Variants in TDRD1 observed in about 807,000 individuals in gnomAD.
The protein encoded by TDRD1 is tudor domain-containing protein 1.
Under a neutral mutation model 140.6 loss-of-function variants are expected in TDRD1, and 37 were observed. The observed-to-expected ratio is 0.26, with a 90% CI of 0.20 to 0.35. The LOEUF is 0.35. Among genes scored for constraint, TDRD1 ranks in the 10% least tolerant of loss-of-function variants. The pLI is 1.00. For synonymous variants in TDRD1, 506 were observed against 475.7 expected (o/e 1.06, Z -0.83); for missense variants, 1,243 against 1,393.0 (o/e 0.89, Z 1.71).
At chr10:114,205,715 A>G (rs1163239252) in intron 10 of TDRD1, among the ~76,000 whole-genome samples, 1 of 152,126 alleles carries the variant, frequency 6.6e-6, no homozygotes, top group East Asian at 1.9e-4. Context: ...AGAGGCCGGG[A>G]AGGGTAGTCA....
intron 1 of TDRD1, among the ~76,000 whole-genome samples, chr10:114,180,717 G>A (rs573780170): frequency 2.6e-5 from 4 of 152,190 alleles, no homozygotes; most frequent in African/African-American, 9.6e-5. Flanking sequence ...CGCCCACCTC[G>A]GCCTCCAAAG....
At chr10:114,211,007 ATTTATTTTTTAC>A (rs1564955537) in intron 13 of TDRD1, 40 bp downstream of exon 13, 1 of 1,484,966 alleles carries the variant, frequency 6.7e-7, no homozygotes, top group Admixed American at 1.9e-5. Context: ...ATTTATTTTT[ATTTATTTTTTAC>A]TTAGAATTGA....
chr10:114,229,816 TA>T (rs35893988), intron 25 of TDRD1, among the ~76,000 whole-genome samples: 12,135 of 139,346 alleles, frequency 0.087, 543 homozygotes, highest in Middle Eastern at 0.14. Flanking sequence ...TATATATATA[TA>T]TTTTTTTTTT....
At chr10:114,224,027 C>T (rs991588858) in intron 21 of TDRD1, among the ~76,000 whole-genome samples, 1 of 152,194 alleles carries the variant, frequency 6.6e-6, no homozygotes, top group Non-Finnish European at 1.5e-5. Context: ...CTTCTTCCTT[C>T]GTCCCACCTT....
chr10:114,187,802 T>C, intron 1 of TDRD1, 24 bp from the exon 2 acceptor site: 6 of 1,513,418 alleles, frequency 4.0e-6, no homozygotes, highest in Non-Finnish European at 5.3e-6. Context: ...AAAAGTTGTC[T>C]CTTAAATACA....
At chr10:114,227,394 C>T in intron 23 of TDRD1, 95 bp downstream of exon 23, 1 of 889,198 alleles carries the variant, frequency 1.1e-6, no homozygotes, top group Non-Finnish European at 1.8e-6. Context: ...CTTCCCATGC[C>T]ATACTCTCTC....
chr10:114,208,169 A>G (rs959590857), intron 11 of TDRD1, among the ~76,000 whole-genome samples: 1 of 152,214 alleles, frequency 6.6e-6, no homozygotes, highest in African/African-American at 2.4e-5. Flanking sequence ...GAAGAGGTAT[A>G]GGATGGGGAA....
At chr10:114,181,940 G>A (rs556425159) in intron 1 of TDRD1, among the ~76,000 whole-genome samples, 1 of 152,066 alleles carries the variant, frequency 6.6e-6, no homozygotes, top group Admixed American at 6.5e-5. Context: ...TCATAGAACT[G>A]TAAATCAAAG....
In TDRD1 at chr10:114,210,458, G is replaced by T. The variant is rs1020849962; in HGVS notation, c.1385-123G>T. The T allele has an allele frequency of 9.6e-6, 9 of 940,532 alleles. No individual in the cohort carries two copies. In the African/African-American group the frequency reaches 1.5e-4, roughly 16 times the overall value. 58.3% of individuals were successfully genotyped at this position (940,532 alleles called of 1,614,324 possible). On this transcript the variant is annotated intron_variant, in intron 11 of 25. Coordinates refer to ENST00000251864, the Ensembl canonical transcript of TDRD1. ...AAGAAACACCATGACCTCTCAGACT[G>T]CCATCTTCCAGGAACCTTGCAGTCA...
At chr10:114,210,738 G>A (rs1264945633) in exon 12 of TDRD1, 4 of 1,609,790 alleles carry the variant, frequency 2.5e-6, no homozygotes, top group Non-Finnish European at 3.4e-6. Flanking sequence ...GTCAACAACT[G>A]CAAAGTGGCC....
upstream of TDRD1, among the ~76,000 whole-genome samples, chr10:114,176,107 T>A (rs2032690077): frequency 6.6e-6 from 1 of 152,042 alleles, no homozygotes; most frequent in South Asian, 2.1e-4. The surrounding 1 kb of genome is among the most constrained non-coding windows in gnomAD (Gnocchi z 4.2). Context: ...GAAAAACTGA[T>A]AGGAAGCTTC....
At chr10:114,194,452 G>A (rs2034196413) in intron 3 of TDRD1, among the ~76,000 whole-genome samples, 1 of 152,014 alleles carries the variant, frequency 6.6e-6, no homozygotes, top group African/African-American at 2.4e-5. Context: ...TGTCTACATT[G>A]TCAAATTTAT....
In TDRD1 at chr10:114,218,532, A is replaced by G. The variant is rs1166364263; in HGVS notation, c.2442A>G (p.Ile814Met). 3.1e-6 allele frequency: 5 copies of G among 1,611,712 alleles called. No individual in the cohort carries two copies. The African/African-American group carries it at 4.0e-5, about 13-fold the overall frequency. The change falls in exon 18 of 26, where the codon ATA becomes ATG. Residue 814 changes from isoleucine (I) to methionine (M), a missense_variant. Physicochemically the swap from Ile to Met is conservative, Grantham distance 10. Transcript: ENST00000251864. ...TTACTGCAGATGAACTCCGAATGATATCATCAACATTTTTAAACCTTCCCT... is the reference window on the plus strand; with the variant it reads ...TTACTGCAGATGAACTCCGAATGATGTCATCAACATTTTTAAACCTTCCCT...
intron 11 of TDRD1, among the ~76,000 whole-genome samples, chr10:114,208,829 A>G (rs1274971449): frequency 1.3e-5 from 2 of 150,648 alleles, no homozygotes; most frequent in Non-Finnish European, 2.9e-5. Flanking sequence ...GCTAGAGTGC[A>G]GTGCTGTGAT....
At chr10:114,216,694 G>C (rs993902615) in intron 16 of TDRD1, among the ~76,000 whole-genome samples, 3 of 152,170 alleles carry the variant, frequency 2.0e-5, no homozygotes, top group African/African-American at 7.2e-5. Context: ...AGGAATATGT[G>C]TATTTGTGCT....
chr10:114,221,511 A>C (rs186746530), intron 20 of TDRD1, 35 bp downstream of exon 20: 1 of 1,600,730 alleles, frequency 6.2e-7, no homozygotes, highest in Non-Finnish European at 8.5e-7. Context: ...ATTTATGCTC[A>C]TCTTTTAAAC....
At chr10:114,217,057 C>A (rs2133115915) in intron 16 of TDRD1, among the ~76,000 whole-genome samples, 1 of 152,298 alleles carries the variant, frequency 6.6e-6, no homozygotes, top group African/African-American at 2.4e-5. Flanking sequence ...TAATTCTGTC[C>A]TTTGTCTGAG....
chr10:114,230,066 C>T (rs1171496676), intron 25 of TDRD1, among the ~76,000 whole-genome samples: 10 of 152,146 alleles, frequency 6.6e-5, no homozygotes, highest in African/African-American at 2.2e-4. Context: ...CTCCTGACCT[C>T]GTGATCTGCC....
intron 21 of TDRD1, among the ~76,000 whole-genome samples, 174 bp from the exon 22 acceptor site, chr10:114,225,875 T>C (rs1479806380): frequency 6.6e-6 from 1 of 151,766 alleles, no homozygotes; most frequent in East Asian, 1.9e-4. Context: ...AAAAAAAAAT[T>C]CTATTACATT....
Sources: allele counts gnomAD v4.1 joint callset (sites outside exome capture counted in the v4.1 genomes callset), GRCh38; gene constraint gnomAD v4.1.1; non-coding constraint Gnocchi (gnomAD v3.1); transcripts MANE v1.5; gene names NCBI Gene and HGNC (gene_info 2026-07-23, HGNC 2026-07-21).